The following CARMIL1 variants were observed in gnomAD, a reference collection of about 807,000 sequenced individuals.
The protein encoded by CARMIL1 is capping protein regulator and myosin 1 linker 1.
In CARMIL1, 90 loss-of-function variants were observed where a neutral mutation model predicts 177.1. The ratio of observed to expected loss-of-function variants is 0.51; its 90% confidence interval spans 0.43 to 0.61. CARMIL1 has a LOEUF of 0.61. CARMIL1 is among the 20% of genes least tolerant of loss of function. CARMIL1 has a pLI of 0.00. For missense variants in CARMIL1, 1,380 were observed against 1,667.0 expected (o/e 0.83, Z 3.00); for synonymous variants, 577 against 606.2 (o/e 0.95, Z 0.71).
intron 32 of CARMIL1, among the ~76,000 whole-genome samples, chr6:25,599,770 A>G (rs1277490715): frequency 6.6e-6 from 1 of 152,194 alleles, no homozygotes; most frequent in Non-Finnish European, 1.5e-5. Context: ...GGCGGCATGA[A>G]AACTATGCAC....
At chr6:25,394,657 A>C (rs1207267751) in intron 2 of CARMIL1, among the ~76,000 whole-genome samples, 1 of 152,256 alleles carries the variant, frequency 6.6e-6, no homozygotes, top group Non-Finnish European at 1.5e-5. Flanking sequence ...TCTAATGGAC[A>C]GAGCCACTAT....
chr6:25,338,028 G>A (rs2690080), intron 2 of CARMIL1, among the ~76,000 whole-genome samples: 65,143 of 151,896 alleles, frequency 0.43, 14,190 homozygotes, highest in African/African-American at 0.51. Flanking sequence ...AGGCTGAGGC[G>A]GGTGGACCAC....
chr6:25,412,649 A>T (rs1366401626), intron 2 of CARMIL1, among the ~76,000 whole-genome samples: 1 of 152,198 alleles, frequency 6.6e-6, no homozygotes, highest in Non-Finnish European at 1.5e-5. Context: ...TATATTAAAT[A>T]ATGGAGCTTG....
chr6:25,579,544 T>C (rs1359089834), intron 29 of CARMIL1, among the ~76,000 whole-genome samples: 1 of 152,184 alleles, frequency 6.6e-6, no homozygotes, highest in African/African-American at 2.4e-5. Context: ...ATGGCTAACT[T>C]TGGGGAGAAC....
chr6:25,520,860 C>T (rs950085049), intron 23 of CARMIL1, among the ~76,000 whole-genome samples: 1 of 152,176 alleles, frequency 6.6e-6, no homozygotes, highest in Admixed American at 6.5e-5. Flanking sequence ...ATTTGACCCC[C>T]TTATTCTGCC....
chr6:25,493,289 C>A (rs1803401625), intron 15 of CARMIL1, among the ~76,000 whole-genome samples: 1 of 152,132 alleles, frequency 6.6e-6, no homozygotes, highest in Admixed American at 6.5e-5. Context: ...CTGTTTAATA[C>A]CTAATACGTT....
chr6:25,304,889 C>T (rs1482198659), intron 2 of CARMIL1, among the ~76,000 whole-genome samples: 4 of 152,214 alleles, frequency 2.6e-5, no homozygotes, highest in Non-Finnish European at 5.9e-5. Flanking sequence ...TTGAGTCCCT[C>T]AGTGACTGTT....
intron 13 of CARMIL1, among the ~76,000 whole-genome samples, 187 bp from the exon 14 acceptor site, chr6:25,491,545 T>G (rs1803237473): frequency 6.6e-6 from 1 of 152,186 alleles, no homozygotes; most frequent in African/African-American, 2.4e-5. Flanking sequence ...AAACATAATT[T>G]TAACTATTCT....
chr6:25,546,226 A>G (rs1297799549), intron 26 of CARMIL1, among the ~76,000 whole-genome samples: 1 of 152,156 alleles, frequency 6.6e-6, no homozygotes, highest in Non-Finnish European at 1.5e-5. Context: ...ATTCAGCTTT[A>G]TACTGAAGGT....
chr6:25,492,124 A>G lies in CARMIL1; in HGVS notation c.1220+100A>G, dbSNP rs1582135800. 4 of 991,020 alleles carry G rather than the reference A, an allele frequency of 4.0e-6. No homozygotes were observed. In the East Asian group the frequency reaches 7.3e-5, roughly 18 times the overall value. The allele number at this position is 991,020 out of a possible 1,614,324, so 61.4% of individuals were successfully genotyped here. A position where few individuals can be genotyped will look rare whatever the true frequency, so the allele number is the denominator to read the frequency against. On this transcript the variant is annotated intron_variant, in intron 15 of 36. Transcript: ENST00000329474. ...CAGTGATAAAGGGTGAATGTTGTATATGAAAGAAGGCAGCCTTAAGCATTA... is the reference window on the plus strand; with the variant it reads ...CAGTGATAAAGGGTGAATGTTGTATGTGAAAGAAGGCAGCCTTAAGCATTA...
chr6:25,579,301 A>G (rs1812909139), intron 29 of CARMIL1, among the ~76,000 whole-genome samples: 1 of 151,466 alleles, frequency 6.6e-6, no homozygotes, highest in African/African-American at 2.4e-5. Flanking sequence ...ATTTTTAAAC[A>G]TCTTTCCTCT....
chr6:25,515,623 T>A lies in CARMIL1; in HGVS notation c.1633-52T>A. 6.6e-7 allele frequency: 1 copy of A among 1,510,288 alleles called. No homozygotes were observed. Among genetic ancestry groups the A allele is most frequent in the South Asian group, 1.3e-5 (1 of 78,114 alleles). 93.6% of individuals were successfully genotyped at this position (1,510,288 alleles called of 1,614,324 possible). ...TCTCCACGAAATGCGTCGTGGAGAGTGGGTGCTGCTTTGATGAGACTGCTG... is the reference window on the plus strand; with the variant it reads ...TCTCCACGAAATGCGTCGTGGAGAGAGGGTGCTGCTTTGATGAGACTGCTG... On this transcript the variant is annotated intron_variant, in intron 20 of 36. Transcript: ENST00000329474. The surrounding 1 kb of genome is among the most constrained non-coding windows in gnomAD (Gnocchi z 5.0).
chr6:25,400,789 A>G (rs9461158), intron 2 of CARMIL1, among the ~76,000 whole-genome samples: 65,204 of 151,940 alleles, frequency 0.43, 14,216 homozygotes, highest in Middle Eastern at 0.59. Flanking sequence ...CTATGTTAGC[A>G]CTTCAAAAAC....
chr6:25,565,809 C>A (rs1235270286), intron 29 of CARMIL1, among the ~76,000 whole-genome samples: 1 of 152,136 alleles, frequency 6.6e-6, no homozygotes, highest in Non-Finnish European at 1.5e-5. Flanking sequence ...AGCCTGCACT[C>A]CAGCCTGGCG....
chr6:25,546,137 TCTA>T (rs889014353), intron 26 of CARMIL1, among the ~76,000 whole-genome samples: 2 of 152,086 alleles, frequency 1.3e-5, no homozygotes, highest in African/African-American at 4.8e-5. Flanking sequence ...TTTTTGTAGG[TCTA>T]CTTTTTTTTT....
intron 2 of CARMIL1, among the ~76,000 whole-genome samples, chr6:25,358,485 G>A (rs1788862028): frequency 6.6e-6 from 1 of 151,968 alleles, no homozygotes; most frequent in Non-Finnish European, 1.5e-5. Flanking sequence ...TTTGGGGGTG[G>A]GGTTAGAAAA....
At chr6:25,404,433 G>A (rs1206365911) in intron 2 of CARMIL1, among the ~76,000 whole-genome samples, 24 of 152,190 alleles carry the variant, frequency 1.6e-4, no homozygotes, top group Non-Finnish European at 5.9e-5. Flanking sequence ...CCTGGAGTTT[G>A]CTGCCTTGGG....
At chr6:25,427,849 A>G (rs929607148) in intron 4 of CARMIL1, among the ~76,000 whole-genome samples, 2 of 152,116 alleles carry the variant, frequency 1.3e-5, no homozygotes, top group African/African-American at 4.8e-5. Flanking sequence ...GCCATCACGT[A>G]TTTCCTTCTG....
rs187422288 is a variant in CARMIL1, at chr6:25,322,785, A to G, written c.138+37876A>G. ...TGTTACCCTGTAAGCTCCATTTTTTATATTTCTTTGCCCCTCCTTCTCAAT... is the reference window on the plus strand; with the variant it reads ...TGTTACCCTGTAAGCTCCATTTTTTGTATTTCTTTGCCCCTCCTTCTCAAT... On this transcript the variant is annotated intron_variant, in intron 2 of 36. Coordinates refer to ENST00000329474, the MANE Select transcript of CARMIL1 (RefSeq NM_017640.6). Among the ~76,000 whole-genome samples the G allele has an allele frequency of 7.4e-4, 112 of 152,218 alleles. 2 individuals carry two copies. The highest frequency in any genetic ancestry group is 5.8e-3 in the Admixed American group (88 of 15,302).
Sources: gnomAD v4.1 joint callset for allele counts (sites outside exome capture counted in the v4.1 genomes callset) on GRCh38, gnomAD v4.1.1 for gene constraint, Gnocchi (gnomAD v3.1) non-coding constraint, MANE v1.5 for transcripts, NCBI Gene and HGNC (gene_info 2026-07-23, HGNC 2026-07-21) for gene names.